Variants in CACNA1C observed in about 807,000 individuals in gnomAD.
The protein encoded by CACNA1C is voltage-dependent L-type calcium channel subunit alpha-1C.
In CACNA1C, 30 loss-of-function variants were observed where a neutral mutation model predicts 229.0. The ratio of observed to expected loss-of-function variants is 0.13; its 90% confidence interval spans 0.10 to 0.18. The LOEUF (loss-of-function observed/expected upper bound fraction) is 0.18, where lower values mean the gene tolerates loss of function less well. Ranked by LOEUF, CACNA1C falls within the 10% of genes least tolerant of loss-of-function variation. The pLI, the probability that CACNA1C is intolerant of heterozygous loss-of-function variation, is 1.00. For missense variants in CACNA1C, 1,658 were observed against 2,845.0 expected, an observed-to-expected ratio of 0.58 and a Z score of 9.49; for synonymous variants, 1,114 against 1,132.5, an observed-to-expected ratio of 0.98 and a Z score of 0.33.
intron 3 of CACNA1C, among the ~76,000 whole-genome samples, chr12:2,297,085 T>C (rs2094113402): frequency 6.6e-6 from 1 of 152,174 alleles, no homozygotes; most frequent in Non-Finnish European, 1.5e-5. Context: ...AGAAGAAAGA[T>C]GTCAGGTCCA....
At chr12:2,077,363 A>G (rs933946835) in intron 1 of CACNA1C, among the ~76,000 whole-genome samples, 1 of 152,136 alleles carries the variant, frequency 6.6e-6, no homozygotes, top group Non-Finnish European at 1.5e-5. Context: ...TCCAAGGTAC[A>G]TAATGTTTTA....
At chr12:2,204,728 G>A (rs1266440661) in intron 3 of CACNA1C, among the ~76,000 whole-genome samples, 1 of 140,018 alleles carries the variant, frequency 7.1e-6, no homozygotes, top group Non-Finnish European at 1.6e-5. Context: ...TCACTCATAG[G>A]TGGGAATTGA....
At chr12:1,992,501 T>G (rs1036014460) in intron 1 of CACNA1C, 1 of 154,090 alleles carries the variant, frequency 6.5e-6, no homozygotes, top group African/African-American at 2.4e-5. Context: ...AAGCATAAGG[T>G]GCATGTGTGT....
chr12:2,452,035 G>C (rs1413183157), intron 4 of CACNA1C, among the ~76,000 whole-genome samples: 1 of 152,154 alleles, frequency 6.6e-6, no homozygotes. Context: ...TAAATGGGTA[G>C]CCCTTTGCTT....
chr12:2,106,692 C>A (rs71454872), intron 1 of CACNA1C, among the ~76,000 whole-genome samples: 104 of 49,280 alleles, frequency 2.1e-3, no homozygotes, highest in African/African-American at 5.7e-3. Flanking sequence ...AGCCACTGGG[C>A]GCCCACCCCG....
At chr12:2,049,840 T>C (rs1170665283), upstream of CACNA1C, among the ~76,000 whole-genome samples, 1 of 152,184 alleles carries the variant, frequency 6.6e-6, no homozygotes, top group Non-Finnish European at 1.5e-5. Flanking sequence ...TGTTGAGAAT[T>C]TGTTACCTCG....
intron 3 of CACNA1C, chr12:2,222,536 A>G (rs967909703): frequency 3.3e-5 from 5 of 152,158 alleles, no homozygotes; most frequent in African/African-American, 1.2e-4. Context: ...GAAAACCACA[A>G]TGTAAATATT....
At chr12:2,415,296 G>C (rs943867562) in intron 3 of CACNA1C, among the ~76,000 whole-genome samples, 2 of 151,654 alleles carry the variant, frequency 1.3e-5, no homozygotes, top group Non-Finnish European at 2.9e-5. Flanking sequence ...TCAACCATTC[G>C]CCTGTTGTCC....
At chr12:2,439,791 G>C (rs2099199996) in intron 3 of CACNA1C, among the ~76,000 whole-genome samples, 1 of 151,896 alleles carries the variant, frequency 6.6e-6, no homozygotes, top group Admixed American at 6.6e-5. Context: ...CTCAATTGCT[G>C]CTTGCCCTCA....
chr12:2,337,874 G>A (rs1447631584), intron 3 of CACNA1C, among the ~76,000 whole-genome samples: 5 of 152,166 alleles, frequency 3.3e-5, no homozygotes, highest in African/African-American at 7.2e-5. Context: ...TGGTGACCAC[G>A]CCTCCTCCTC....
At chr12:2,277,125 A>G (rs377550205) in intron 3 of CACNA1C, among the ~76,000 whole-genome samples, 1 of 151,996 alleles carries the variant, frequency 6.6e-6, no homozygotes, top group Admixed American at 6.5e-5. Flanking sequence ...TAACACTCTC[A>G]TATGTTAGGT....
chr12:2,409,627 G>T (rs1427313771), intron 3 of CACNA1C, among the ~76,000 whole-genome samples: 2 of 152,246 alleles, frequency 1.3e-5, no homozygotes, highest in Non-Finnish European at 2.9e-5. Flanking sequence ...TAGAAATGAT[G>T]TTTGTCTGTT....
At chr12:1,990,670 A>G (rs1408085475) in intron 1 of CACNA1C, among the ~76,000 whole-genome samples, 1 of 152,202 alleles carries the variant, frequency 6.6e-6, no homozygotes, top group Admixed American at 6.5e-5. Context: ...CAAAGACCAG[A>G]CAGAGAGATT....
intron 30 of CACNA1C, among the ~76,000 whole-genome samples, chr12:2,636,100 A>G (rs912550303): frequency 1.3e-5 from 2 of 152,218 alleles, no homozygotes; most frequent in African/African-American, 4.8e-5. Context: ...CGTGGGAGAC[A>G]CTGCAGGGAG....
At chr12:2,685,987 A>T (rs973423424) in intron 44 of CACNA1C, 145 bp downstream of exon 44, 2 of 790,924 alleles carry the variant, frequency 2.5e-6, no homozygotes, top group Non-Finnish European at 4.4e-6. Flanking sequence ...CAACATTCCA[A>T]AGGCAGGGTG....
intron 4 of CACNA1C, among the ~76,000 whole-genome samples, chr12:2,457,171 A>G (rs2099434155): frequency 6.6e-6 from 1 of 152,244 alleles, no homozygotes; most frequent in African/African-American, 2.4e-5. Flanking sequence ...GGGGAAACAG[A>G]GCACATGGTT....
chr12:2,524,970 A>G (rs1240729357), intron 9 of CACNA1C, among the ~76,000 whole-genome samples: 1 of 152,234 alleles, frequency 6.6e-6, no homozygotes, highest in Non-Finnish European at 1.5e-5. Flanking sequence ...TGAGGGGGCT[A>G]CATTTGCAAA....
chr12:2,559,570 C>T (rs111391464), intron 11 of CACNA1C, among the ~76,000 whole-genome samples: 2,916 of 152,314 alleles, frequency 0.019, 83 homozygotes, highest in African/African-American at 0.067. Context: ...GTAATGCGGA[C>T]GGCAGATTTT....
At position 2,632,058 on chromosome 12, in the gene CACNA1C, AG is replaced by A. The variant is rs926284651; in HGVS notation, c.3829-2237del. ...GGGAGAGATCTGGGGAACCTCTCGGAGGACGCTTCATGCTTTCATACCCCAC... is the reference window on the plus strand; with the variant it reads ...GGGAGAGATCTGGGGAACCTCTCGGAGACGCTTCATGCTTTCATACCCCAC... On this transcript the variant is annotated intron_variant, in intron 29 of 46. Coordinates refer to ENST00000399655, the MANE Select transcript of CACNA1C (RefSeq NM_000719.7). The surrounding 1 kb of genome is among the most constrained non-coding windows in gnomAD (Gnocchi z 4.1). 6.6e-6 allele frequency among the ~76,000 whole-genome samples: 1 copy of A among 151,944 alleles called. No homozygotes were observed. The highest frequency in any genetic ancestry group is 1.5e-5 in the Non-Finnish European group (1 of 67,986).
Sources: gnomAD v4.1 joint callset for allele counts (sites outside exome capture counted in the v4.1 genomes callset) on GRCh38, gnomAD v4.1.1 for gene constraint, Gnocchi (gnomAD v3.1) non-coding constraint, MANE v1.5 for transcripts, NCBI Gene and HGNC (gene_info 2026-07-23, HGNC 2026-07-21) for gene names.